The following SH2D4B variants were observed in gnomAD, a reference collection of about 807,000 sequenced individuals.
SH2D4B encodes SH2 domain containing 4B, also known as SH2 domain-containing protein 4B.
In SH2D4B, 45 loss-of-function variants were observed where a neutral mutation model predicts 61.5. That is an observed-to-expected ratio of 0.73 (90% CI 0.58 to 0.94). SH2D4B has a LOEUF of 0.94. Among genes scored for constraint, SH2D4B ranks in the 40% least tolerant of loss-of-function variants. The pLI is 0.00. For synonymous variants in SH2D4B, 224 were observed against 220.4 expected, an observed-to-expected ratio of 1.02 and a Z score of -0.14; for missense variants, 572 against 574.2, an observed-to-expected ratio of 1.00 and a Z score of 0.04.
At position 80,571,245 on chromosome 10, in the gene SH2D4B, G is replaced by A. The variant is rs535615373; in HGVS notation, c.348-186G>A. Among the ~76,000 whole-genome samples, 103 of 152,260 alleles carry A rather than the reference G, an allele frequency of 6.8e-4. 1 individual carries two copies. Among genetic ancestry groups the A allele is most frequent in the Admixed American group, 5.2e-4 (8 of 15,290 alleles). ...ATGGGGTTTCTAGCATAGTTTTCCTGGCTTCCAGAACAATTGTGCCGATTT... is the reference window on the plus strand; with the variant it reads ...ATGGGGTTTCTAGCATAGTTTTCCTAGCTTCCAGAACAATTGTGCCGATTT... On this transcript the variant is annotated intron_variant, in intron 2 of 7. Coordinates refer to ENST00000646907, the MANE Select transcript of SH2D4B (RefSeq NM_001388272.1).
intron 6 of SH2D4B, among the ~76,000 whole-genome samples, chr10:80,632,814 C>T (rs1842847977): frequency 6.6e-6 from 1 of 152,026 alleles, no homozygotes; most frequent in Non-Finnish European, 1.5e-5. Flanking sequence ...TGCATCCTCC[C>T]TCTTGCATGG....
At chr10:80,607,982 C>T (rs537507236) in intron 5 of SH2D4B, among the ~76,000 whole-genome samples, 5 of 152,248 alleles carry the variant, frequency 3.3e-5, no homozygotes, top group South Asian at 4.1e-4. Context: ...CTGCAACCTC[C>T]GCCTCCTGGG....
At chr10:80,594,801 GA>G (rs1358853761) in intron 4 of SH2D4B, among the ~76,000 whole-genome samples, 11 of 152,122 alleles carry the variant, frequency 7.2e-5, no homozygotes, top group Non-Finnish European at 1.6e-4. Context: ...ATTTTCAGAG[GA>G]CCTTAATTCA....
intron 1 of SH2D4B, among the ~76,000 whole-genome samples, chr10:80,557,542 A>G (rs1824239145): frequency 2.6e-5 from 4 of 152,176 alleles, no homozygotes. Context: ...TATAGTGGAC[A>G]TAGAGCTATT....
chr10:80,599,531 C>G (rs1161883233), intron 4 of SH2D4B, among the ~76,000 whole-genome samples: 2 of 152,174 alleles, frequency 1.3e-5, no homozygotes, highest in African/African-American at 4.8e-5. Context: ...GTCATTACAA[C>G]ATTCACATGG....
intron 5 of SH2D4B, among the ~76,000 whole-genome samples, chr10:80,606,774 T>C (rs1842524667): frequency 6.6e-6 from 1 of 152,194 alleles, no homozygotes; most frequent in Non-Finnish European, 1.5e-5. Context: ...CAGGCCCTAC[T>C]CTTTACTGCT....
chr10:80,627,589 T>C (rs1842778692), intron 6 of SH2D4B, among the ~76,000 whole-genome samples: 1 of 151,660 alleles, frequency 6.6e-6, no homozygotes, highest in African/African-American at 2.4e-5. Context: ...CCTGAGCCAA[T>C]AGCTTATGTG....
chr10:80,571,722 G>A, intron 3 of SH2D4B, 144 bp downstream of exon 3: 2 of 875,464 alleles, frequency 2.3e-6, no homozygotes, highest in Non-Finnish European at 3.4e-6. Context: ...TGTCTGAGCA[G>A]GAAGGAACTT....
At position 80,588,779 on chromosome 10, in the gene SH2D4B, T is replaced by G. The variant is rs754936935; in HGVS notation, c.643+2T>G. ...AGGAGCGAGAGTGGGAAGAACAGTG[T>G]GAGTAGAGCTTGTGCCTCAGGCAGG... is the stretch of plus-strand genomic sequence containing the variant. On this transcript the variant is annotated splice_donor_variant, in intron 4 of 7. Coordinates refer to ENST00000646907, the MANE Select transcript of SH2D4B (RefSeq NM_001388272.1). LOFTEE classifies it high-confidence loss of function. The G allele has an allele frequency of 3.1e-6, 5 of 1,613,814 alleles. No individual in the cohort carries two copies. In the Admixed American group the frequency reaches 8.3e-5, roughly 27 times the overall value.
rs776567930 is a variant in SH2D4B, at chr10:80,603,660, G to T, written c.725G>T (p.Arg242Leu). The change falls in exon 5 of 8, where the codon CGT becomes CTT. Residue 242 changes from arginine to leucine, a missense_variant. Coordinates refer to ENST00000646907, the MANE Select transcript of SH2D4B (RefSeq NM_001388272.1). ...GACGAGTACCGACACCACTCGCTCC[G>T]TGCTATCCAGAAGGGCACGGTCGCT... ...ARDEYRHHSLRAIQKGTVAGL... is the reference protein window; with the variant it reads ...ARDEYRHHSLLAIQKGTVAGL... 1 of 1,607,998 alleles carries T rather than the reference G, an allele frequency of 6.2e-7. No homozygotes were observed. The highest frequency in any genetic ancestry group is 8.5e-7 in the Non-Finnish European group (1 of 1,177,836).
At chr10:80,571,215 AG>A (rs962262122) in intron 2 of SH2D4B, among the ~76,000 whole-genome samples, 5 of 152,184 alleles carry the variant, frequency 3.3e-5, no homozygotes, top group Non-Finnish European at 4.4e-5. Context: ...TAGAAAATCT[AG>A]GAAATGGGGT....
At chr10:80,638,395 A>G (rs1397393420) in intron 7 of SH2D4B, among the ~76,000 whole-genome samples, 5 of 152,110 alleles carry the variant, frequency 3.3e-5, no homozygotes, top group Non-Finnish European at 7.4e-5. Flanking sequence ...GGTAGAATTT[A>G]GCTGTGAATC....
chr10:80,633,412 T>A (rs977462127), intron 6 of SH2D4B, among the ~76,000 whole-genome samples: 2 of 152,216 alleles, frequency 1.3e-5, no homozygotes, highest in Non-Finnish European at 2.9e-5. Flanking sequence ...GTATTTGGGT[T>A]ATGATCATCT....
chr10:80,606,929 T>C (rs2132142419), intron 5 of SH2D4B, among the ~76,000 whole-genome samples: 1 of 152,348 alleles, frequency 6.6e-6, no homozygotes, highest in South Asian at 2.1e-4. Flanking sequence ...CAGTGAATTT[T>C]GGTTAAGTCA....
In SH2D4B at chr10:80,553,984, GATA is replaced by G. The variant is rs760910176; in HGVS notation, c.184+15474_184+15476del. 4.6e-5 allele frequency among the ~76,000 whole-genome samples: 7 copies of G among 152,212 alleles called. No homozygotes were observed. In the East Asian group the frequency reaches 7.7e-4, roughly 17 times the overall value. ...TCCTCTTACCTAAACTGGAGATGATGATAATAAGTTCTGCATCCCAGATTTGTA... is the reference window on the plus strand; with the variant it reads ...TCCTCTTACCTAAACTGGAGATGATGATAAGTTCTGCATCCCAGATTTGTA... On this transcript the variant is annotated intron_variant, in intron 1 of 7. Transcript: ENST00000646907.
chr10:80,639,130 A>G (rs1352570097), intron 7 of SH2D4B, among the ~76,000 whole-genome samples: 1 of 152,090 alleles, frequency 6.6e-6, no homozygotes, highest in Non-Finnish European at 1.5e-5. Flanking sequence ...TTCTAATTTG[A>G]TTGCACTGTG....
intron 1 of SH2D4B, among the ~76,000 whole-genome samples, chr10:80,560,694 T>A (rs995647374): frequency 7.2e-5 from 2 of 27,716 alleles, no homozygotes; most frequent in African/African-American, 5.3e-4. Flanking sequence ...CTGGCCAAGC[T>A]TTTTTTTTTT....
chr10:80,584,502 G>A (rs1842220282), intron 3 of SH2D4B, among the ~76,000 whole-genome samples: 2 of 152,070 alleles, frequency 1.3e-5, no homozygotes, highest in Non-Finnish European at 2.9e-5. Context: ...GAAAGAAAAG[G>A]CTTCCATACC....
At chr10:80,591,818 G>A (rs1020043025) in intron 4 of SH2D4B, among the ~76,000 whole-genome samples, 1 of 151,990 alleles carries the variant, frequency 6.6e-6, no homozygotes, top group African/African-American at 2.4e-5. Context: ...CTTTTATACA[G>A]GCCTGCTCTC....
Sources: allele counts gnomAD v4.1 joint callset (sites outside exome capture counted in the v4.1 genomes callset), GRCh38; gene constraint gnomAD v4.1.1; transcripts MANE v1.5; gene names NCBI Gene and HGNC (gene_info 2026-07-23, HGNC 2026-07-21).